CACNA2D1: variants seen among roughly 807,000 people sequenced by gnomAD.
CACNA2D1 encodes calcium voltage-gated channel auxiliary subunit alpha2delta 1.
In CACNA2D1, 53 loss-of-function variants were observed where a neutral mutation model predicts 171.5. The observed-to-expected ratio is 0.31, with a 90% CI of 0.25 to 0.39. CACNA2D1 has a LOEUF of 0.39. Ranked by LOEUF, CACNA2D1 falls within the 10% of genes least tolerant of loss-of-function variation. The pLI, the probability that CACNA2D1 is intolerant of heterozygous loss-of-function variation, is 1.00. For synonymous variants in CACNA2D1, 442 were observed against 443.1 expected (o/e 1.00, Z 0.03); for missense variants, 903 against 1,299.8 (o/e 0.69, Z 4.69).
At position 82,336,179 on chromosome 7, in the gene CACNA2D1, C is replaced by T. The variant is rs139839321; in HGVS notation, c.178-928G>A. 3.3e-5 allele frequency among the ~76,000 whole-genome samples: 5 copies of T among 152,228 alleles called. No individual in the cohort carries two copies. The East Asian group carries it at 9.7e-4, about 30-fold the overall frequency. On this transcript the variant is annotated intron_variant, in intron 2 of 38. Coordinates refer to ENST00000356860, the MANE Select transcript of CACNA2D1 (RefSeq NM_000722.4). ...CTGTCTTATGAGAAGTGAATCCAGG[C>T]ACATACAGGAATCAGTTCAACCCTG... is the stretch of plus-strand genomic sequence containing the variant.
intron 3 of CACNA2D1, among the ~76,000 whole-genome samples, chr7:82,212,216 G>A (rs1800630894): frequency 6.6e-6 from 1 of 151,964 alleles, no homozygotes; most frequent in Admixed American, 6.6e-5. Flanking sequence ...ATAATCAAGG[G>A]GCCCAATAAA....
chr7:82,428,117 A>G (rs6467896), intron 1 of CACNA2D1, among the ~76,000 whole-genome samples: 53,566 of 151,738 alleles, frequency 0.35, 9,725 homozygotes, highest in South Asian at 0.55. Context: ...TAAAAAAAAA[A>G]CAAACAAAAA....
chr7:82,218,308 T>C (rs1418099545), intron 3 of CACNA2D1, among the ~76,000 whole-genome samples: 1 of 152,158 alleles, frequency 6.6e-6, no homozygotes, highest in Non-Finnish European at 1.5e-5. Flanking sequence ...ACTTAAGATG[T>C]AGGAAAACAG....
intron 3 of CACNA2D1, among the ~76,000 whole-genome samples, chr7:82,268,289 T>C (rs1176973566): frequency 2.0e-5 from 3 of 152,190 alleles, no homozygotes; most frequent in Non-Finnish European, 4.4e-5. Flanking sequence ...AGTTTCACGG[T>C]AAATGTCTAA....
At chr7:82,246,599 T>C (rs1804950978) in intron 3 of CACNA2D1, among the ~76,000 whole-genome samples, 1 of 152,052 alleles carries the variant, frequency 6.6e-6, no homozygotes. Flanking sequence ...AGGGAGAATG[T>C]TGAAGGGTAG....
At chr7:82,101,187 C>T (rs892244626) in intron 6 of CACNA2D1, among the ~76,000 whole-genome samples, 1 of 152,090 alleles carries the variant, frequency 6.6e-6, no homozygotes. Context: ...AACAATTCTG[C>T]ACAAGTACCA....
chr7:82,194,348 C>T (rs1221496767), intron 3 of CACNA2D1, among the ~76,000 whole-genome samples: 1 of 151,952 alleles, frequency 6.6e-6, no homozygotes, highest in African/African-American at 2.4e-5. Context: ...CCTGCATGTT[C>T]ATGCAGGGAT....
At chr7:82,069,039 A>G (rs2128989329) in intron 7 of CACNA2D1, among the ~76,000 whole-genome samples, 1 of 152,280 alleles carries the variant, frequency 6.6e-6, no homozygotes, top group South Asian at 2.1e-4. Flanking sequence ...ATTTACTCTT[A>G]GGTAGTATCC....
intron 1 of CACNA2D1, among the ~76,000 whole-genome samples, chr7:82,360,144 C>T (rs1170918260): frequency 6.6e-6 from 1 of 152,154 alleles, no homozygotes; most frequent in Non-Finnish European, 1.5e-5. Flanking sequence ...TGTTAAACCA[C>T]CAGATAGTAG....
At chr7:82,439,260 T>A (rs1486662649) in intron 1 of CACNA2D1, among the ~76,000 whole-genome samples, 2 of 152,066 alleles carry the variant, frequency 1.3e-5, no homozygotes, top group Non-Finnish European at 2.9e-5. Flanking sequence ...GAATATATAC[T>A]CCTATATATA....
chr7:82,110,228 A>G (rs1291272008), intron 6 of CACNA2D1, among the ~76,000 whole-genome samples: 1 of 152,148 alleles, frequency 6.6e-6, no homozygotes, highest in Admixed American at 6.5e-5. Context: ...CCCAAAATTC[A>G]TATGTTGAAG....
At chr7:82,399,422 A>G (rs1332330682) in intron 1 of CACNA2D1, among the ~76,000 whole-genome samples, 1 of 151,872 alleles carries the variant, frequency 6.6e-6, no homozygotes, top group African/African-American at 2.4e-5. Context: ...CCTGGACAAC[A>G]GAGCAAGACT....
rs540522072 is a variant in CACNA2D1 at position 82,175,320 on chromosome 7, T to C, written c.295-4711A>G. Among the ~76,000 whole-genome samples, 19 of 152,188 alleles carry C rather than the reference T, an allele frequency of 1.2e-4. No homozygotes were observed. In the South Asian group the frequency reaches 1.9e-3, roughly 15 times the overall value. ...TTCAAAACAATTTCTTCAGCTAATG[T>C]AAGTCAAGATTTTCCTTTTTAATAA... On this transcript the variant is annotated intron_variant, in intron 3 of 38. Transcript: ENST00000356860.
intron 1 of CACNA2D1, among the ~76,000 whole-genome samples, chr7:82,350,589 C>G (rs567089455): frequency 6.2e-4 from 94 of 152,290 alleles, no homozygotes; most frequent in African/African-American, 2.1e-3. Context: ...GGCGTGAACC[C>G]AAGAGGCGGA....
chr7:81,963,809 ACT>A (rs1216297927), intron 34 of CACNA2D1, among the ~76,000 whole-genome samples: 2 of 151,844 alleles, frequency 1.3e-5, no homozygotes, highest in Non-Finnish European at 2.9e-5. Flanking sequence ...AGGAAGGAAG[ACT>A]CTAAAGAGGC....
intron 2 of CACNA2D1, among the ~76,000 whole-genome samples, chr7:82,348,763 T>C (rs1025034576): frequency 6.6e-6 from 1 of 152,158 alleles, no homozygotes; most frequent in African/African-American, 2.4e-5. Context: ...TTTATCTCAT[T>C]GACTCATCAC....
chr7:82,136,065 G>T, intron 5 of CACNA2D1, among the ~76,000 whole-genome samples: 1 of 152,126 alleles, frequency 6.6e-6, no homozygotes, highest in East Asian at 1.9e-4. Flanking sequence ...AATATTAGAA[G>T]TAACTGATTA....
chr7:82,137,314 A>G (rs960007590), intron 4 of CACNA2D1, among the ~76,000 whole-genome samples: 1 of 152,212 alleles, frequency 6.6e-6, no homozygotes, highest in Non-Finnish European at 1.5e-5. Context: ...TACCATAAAT[A>G]TAAATTAGGG....
At chr7:82,293,962 A>G (rs1277334501) in intron 3 of CACNA2D1, among the ~76,000 whole-genome samples, 1 of 152,060 alleles carries the variant, frequency 6.6e-6, no homozygotes, top group Non-Finnish European at 1.5e-5. Flanking sequence ...GAAGACAATG[A>G]TCTCTCTTCT....
Sources: allele counts gnomAD v4.1 joint callset (sites outside exome capture counted in the v4.1 genomes callset), GRCh38; gene constraint gnomAD v4.1.1; transcripts MANE v1.5; gene names NCBI Gene and HGNC (gene_info 2026-07-23, HGNC 2026-07-21).